Variants in DLGAP2 observed in about 807,000 individuals in gnomAD.
DLGAP2 encodes the protein DLG associated protein 2.
In DLGAP2, 26 loss-of-function variants were observed where a neutral mutation model predicts 100.3. The ratio of observed to expected loss-of-function variants is 0.26; its 90% CI spans 0.19 to 0.36. The LOEUF (loss-of-function observed/expected upper bound fraction) is 0.36, where lower values mean the gene tolerates loss of function less well. DLGAP2 is among the 10% of genes least tolerant of loss of function. The pLI is 1.00. For synonymous variants in DLGAP2, 886 were observed against 630.1 expected (o/e 1.41, Z -6.08); for missense variants, 1,858 against 1,453.2 (o/e 1.28, Z -4.53).
At chr8:966,759 G>T (rs1416141957) in intron 2 of DLGAP2, among the ~76,000 whole-genome samples, 1 of 152,166 alleles carries the variant, frequency 6.6e-6, no homozygotes, top group African/African-American at 2.4e-5. Context: ...GTGAGCATCT[G>T]CCTCTCCTCA....
intron 3 of DLGAP2, among the ~76,000 whole-genome samples, chr8:1,277,264 C>T (rs1002088026): frequency 2.0e-5 from 3 of 152,240 alleles, no homozygotes; most frequent in Non-Finnish European, 2.9e-5. Context: ...AAGTGGCAGA[C>T]GTATATCTGT....
chr8:955,437 GC>G (rs1205559106), intron 2 of DLGAP2, among the ~76,000 whole-genome samples: 1 of 152,024 alleles, frequency 6.6e-6, no homozygotes, highest in Non-Finnish European at 1.5e-5. Flanking sequence ...ACTGCTGCCT[GC>G]CCCAGTGTCA....
intron 3 of DLGAP2, among the ~76,000 whole-genome samples, chr8:1,340,531 C>G (rs1031038063): frequency 6.6e-6 from 1 of 152,212 alleles, no homozygotes; most frequent in South Asian, 2.1e-4. Context: ...CCATGAGATG[C>G]CGTCTCACAG....
chr8:1,381,879 C>T (rs1303907728), intron 3 of DLGAP2, among the ~76,000 whole-genome samples: 4 of 150,964 alleles, frequency 2.6e-5, no homozygotes, highest in Admixed American at 2.0e-4. Flanking sequence ...TCCATGTCTA[C>T]ACATTTACAT....
At chr8:1,448,249 C>T (rs1052396519) in intron 3 of DLGAP2, among the ~76,000 whole-genome samples, 14 of 152,070 alleles carry the variant, frequency 9.2e-5, no homozygotes, top group Non-Finnish European at 1.8e-4. Context: ...CCTCTACACA[C>T]TGCTTTGAAT....
At chr8:1,526,516 C>T (rs1284235262) in intron 4 of DLGAP2, among the ~76,000 whole-genome samples, 4 of 152,124 alleles carry the variant, frequency 2.6e-5, no homozygotes, top group Non-Finnish European at 2.9e-5. Context: ...GATGATGAAA[C>T]ACCTGAATTA....
chr8:1,126,028 T>G (rs1214239115), intron 2 of DLGAP2, among the ~76,000 whole-genome samples: 5 of 152,196 alleles, frequency 3.3e-5, no homozygotes, highest in Admixed American at 3.3e-4. Context: ...TTTGTAAAAC[T>G]GTTTGTGTAT....
At position 1,008,707 on chromosome 8, in the gene DLGAP2, A is replaced by G. The variant is rs1298648545; in HGVS notation, c.73+100741A>G. 2.0e-5 allele frequency among the ~76,000 whole-genome samples: 3 copies of G among 152,322 alleles called. No individual in the cohort carries two copies. The East Asian group carries it at 5.8e-4, about 30-fold the overall frequency. On this transcript the variant is annotated intron_variant, in intron 2 of 14. Coordinates refer to ENST00000637795, the MANE Select transcript of DLGAP2 (RefSeq NM_001346810.2). ...CTGCAGGAGGACTGGTACTCACTAC[A>G]TCGCCATGCCAGGGCCGGTTCCCCG...
intron 3 of DLGAP2, among the ~76,000 whole-genome samples, chr8:1,316,143 C>T (rs1297245294): frequency 4.1e-5 from 5 of 121,990 alleles, no homozygotes; most frequent in African/African-American, 5.9e-5. Context: ...GCGAGTGCAG[C>T]GTCTCCCCAA....
chr8:1,389,717 G>A (rs1288590388), intron 3 of DLGAP2, among the ~76,000 whole-genome samples: 3 of 152,178 alleles, frequency 2.0e-5, no homozygotes, highest in African/African-American at 7.2e-5. Context: ...TCCAAGGACA[G>A]CTGTTTTCCA....
At chr8:1,352,752 C>T (rs1373872782) in intron 3 of DLGAP2, among the ~76,000 whole-genome samples, 2 of 152,148 alleles carry the variant, frequency 1.3e-5, no homozygotes, top group African/African-American at 2.4e-5. Context: ...TGCATTTCTC[C>T]TGCCTTTCTG....
intron 2 of DLGAP2, among the ~76,000 whole-genome samples, chr8:1,254,888 CGTGCTGTGTCTGTGCTCTCTCCTGCCCAG>C (rs1799138244): frequency 3.1e-5 from 4 of 128,826 alleles, no homozygotes; most frequent in Admixed American, 2.2e-4. Flanking sequence ...CTCCTGCCCG[CGTGCTGTGTCTGTGCTCTCTCCTGCCCAG>C]GTGCTGTGTG....
intron 7 of DLGAP2, among the ~76,000 whole-genome samples, chr8:1,627,736 G>C (rs1797541675): frequency 6.6e-6 from 1 of 151,978 alleles, no homozygotes; most frequent in Admixed American, 6.5e-5. Context: ...TAGGGATTAA[G>C]ATCTTGAGCC....
chr8:928,781 G>A (rs537921008), intron 2 of DLGAP2, among the ~76,000 whole-genome samples: 2 of 152,100 alleles, frequency 1.3e-5, no homozygotes, highest in East Asian at 1.9e-4. Context: ...CAGAGCCTTC[G>A]AGTTAGAAGG....
Position 1,657,639 on chromosome 8 carries a change from A to G in DLGAP2, c.1811-10690A>G, listed in dbSNP as rs567037239. Among the ~76,000 whole-genome samples, 80 of 152,370 alleles carry G rather than the reference A, an allele frequency of 5.3e-4. 2 individuals carry two copies. In the South Asian group the frequency reaches 0.016, roughly 30 times the overall value. ...CACACAGGGCTGTACAGGCACAACA[A>G]ATGTTTGTCAAAAGAATGGATTAAT... On this transcript the variant is annotated intron_variant, in intron 8 of 14. Transcript: ENST00000637795.
intron 3 of DLGAP2, among the ~76,000 whole-genome samples, chr8:1,475,152 G>A (rs946758895): frequency 6.6e-6 from 1 of 152,114 alleles, no homozygotes; most frequent in South Asian, 2.1e-4. Flanking sequence ...CTCATAAGTG[G>A]GAGCTAAACA....
At chr8:1,597,893 A>C (rs544644061) in intron 6 of DLGAP2, among the ~76,000 whole-genome samples, 1 of 152,306 alleles carries the variant, frequency 6.6e-6, no homozygotes, top group African/African-American at 2.4e-5. Flanking sequence ...TGACCAGAAC[A>C]TCCATCACTA....
chr8:1,051,853 C>T (rs1160422437), intron 2 of DLGAP2, among the ~76,000 whole-genome samples: 5 of 152,068 alleles, frequency 3.3e-5, no homozygotes, highest in South Asian at 4.2e-4. Flanking sequence ...GTGGAGAAGT[C>T]GACTGGGAGT....
intron 1 of DLGAP2, among the ~76,000 whole-genome samples, chr8:788,456 A>G (rs926276018): frequency 1.3e-5 from 2 of 152,250 alleles, no homozygotes; most frequent in Non-Finnish European, 2.9e-5. Flanking sequence ...TCTGGTCAGC[A>G]GAAGCCTCAG....
Sources: allele counts gnomAD v4.1 joint callset (sites outside exome capture counted in the v4.1 genomes callset), GRCh38; gene constraint gnomAD v4.1.1; transcripts MANE v1.5; gene names NCBI Gene and HGNC (gene_info 2026-07-23, HGNC 2026-07-21).